The following SCFD2 variants were observed in gnomAD, a reference collection of about 807,000 sequenced individuals.
The protein encoded by SCFD2 is sec1 family domain containing 2.
A neutral mutation model predicts 58.9 loss-of-function variants in SCFD2; 54 were observed. That is an observed-to-expected ratio of 0.92 (90% CI 0.74 to 1.15). The LOEUF is 1.15. SCFD2 is among the 50% of genes most tolerant of loss of function. SCFD2 has a pLI of 0.00. For missense variants in SCFD2, 805 were observed against 836.6 expected (o/e 0.96, Z 0.47); for synonymous variants, 321 against 335.9 (o/e 0.96, Z 0.49).
rs570492073 is a variant in SCFD2 at position 53,028,249 on chromosome 4, A to T, written c.1562-107379T>A. On this transcript the variant is annotated intron_variant, in intron 5 of 8. Transcript: ENST00000401642. ...GTGACAGAGCAAGACCCTGTCTCAA[A>T]AAATAAATAAATAAATAAATAAAAG... 1.5e-4 allele frequency among the ~76,000 whole-genome samples: 23 copies of T among 152,280 alleles called. No individual in the cohort carries two copies. In the South Asian group the frequency reaches 4.4e-3, roughly 29 times the overall value.
At chr4:53,068,432 T>C (rs1375704947) in intron 5 of SCFD2, among the ~76,000 whole-genome samples, 2 of 152,190 alleles carry the variant, frequency 1.3e-5, no homozygotes, top group East Asian at 1.9e-4. Context: ...AAATTTAGTA[T>C]TGATGAAGGA....
intron 3 of SCFD2, among the ~76,000 whole-genome samples, chr4:53,289,482 A>G (rs567363236): frequency 6.6e-6 from 1 of 152,312 alleles, no homozygotes; most frequent in Admixed American, 6.5e-5. Flanking sequence ...CAGATACACA[A>G]ATGAGAAAAA....
intron 4 of SCFD2, among the ~76,000 whole-genome samples, chr4:53,187,259 A>T (rs1217402311): frequency 6.6e-6 from 1 of 152,120 alleles, no homozygotes; most frequent in Non-Finnish European, 1.5e-5. Context: ...TTCTTATTAA[A>T]TCAGCAATAT....
rs374272200 is a variant in SCFD2, at chr4:52,885,063, T to C, written c.1962+684A>G. Among the ~76,000 whole-genome samples, 76 of 152,294 alleles carry C rather than the reference T, an allele frequency of 5.0e-4. 1 individual carries two copies. The highest frequency in any genetic ancestry group is 1.7e-3 in the African/African-American group (72 of 41,564). ...GGCCCATAAAATAGAAACGTCTATG[T>C]TCTTCACCACTGGGCCACAGAGCCA... On this transcript the variant is annotated intron_variant, in intron 8 of 8. Coordinates refer to ENST00000401642, the MANE Select transcript of SCFD2 (RefSeq NM_152540.4).
chr4:53,211,425 A>G (rs1022367926), intron 4 of SCFD2, among the ~76,000 whole-genome samples: 1 of 152,034 alleles, frequency 6.6e-6, no homozygotes, highest in African/African-American at 2.4e-5. Context: ...AAATTGGTAA[A>G]CGTGAGTGTT....
chr4:53,330,349 G>A (rs912716115), intron 2 of SCFD2, among the ~76,000 whole-genome samples: 3 of 151,890 alleles, frequency 2.0e-5, no homozygotes, highest in Non-Finnish European at 2.9e-5. Context: ...CAGAGAGAAA[G>A]GTCGGGTTAC....
intron 5 of SCFD2, among the ~76,000 whole-genome samples, chr4:53,112,761 C>T (rs1382821595): frequency 6.6e-6 from 1 of 152,000 alleles, no homozygotes; most frequent in Admixed American, 6.6e-5. Flanking sequence ...GGAGGATTAT[C>T]CCATCAATCT....
intron 4 of SCFD2, 116 bp downstream of exon 4, chr4:53,273,710 C>A: frequency 1.1e-6 from 1 of 901,276 alleles, no homozygotes; most frequent in Non-Finnish European, 1.6e-6. Context: ...GAATATGAAG[C>A]AGGGCACATG....
intron 2 of SCFD2, among the ~76,000 whole-genome samples, chr4:53,343,901 C>G (rs1178349579): frequency 6.6e-6 from 1 of 152,208 alleles, no homozygotes; most frequent in Non-Finnish European, 1.5e-5. Context: ...CAAAATTCAA[C>G]TGCCCTTCAT....
chr4:53,220,789 T>G (rs80212953), intron 4 of SCFD2, among the ~76,000 whole-genome samples: 1 of 152,324 alleles, frequency 6.6e-6, no homozygotes, highest in Non-Finnish European at 1.5e-5. Flanking sequence ...TGGTAATGGT[T>G]TGGGGAAGAA....
At chr4:53,061,613 C>T (rs1723514259) in intron 5 of SCFD2, among the ~76,000 whole-genome samples, 1 of 152,078 alleles carries the variant, frequency 6.6e-6, no homozygotes, top group Non-Finnish European at 1.5e-5. Context: ...ATGGTTCTGC[C>T]TTCTGTTGCA....
intron 5 of SCFD2, among the ~76,000 whole-genome samples, chr4:53,052,426 C>T (rs1723211402): frequency 6.6e-6 from 1 of 152,226 alleles, no homozygotes; most frequent in Non-Finnish European, 1.5e-5. Flanking sequence ...GTCCCAGTGA[C>T]TGGCATCTAG....
At chr4:53,297,718 G>A (rs762371942) in intron 3 of SCFD2, among the ~76,000 whole-genome samples, 15 of 152,074 alleles carry the variant, frequency 9.9e-5, no homozygotes, top group Non-Finnish European at 1.5e-4. Context: ...TGGTTATTTT[G>A]CCCGTTAGTT....
At chr4:53,236,038 C>G (rs537541213) in intron 4 of SCFD2, among the ~76,000 whole-genome samples, 1 of 151,976 alleles carries the variant, frequency 6.6e-6, no homozygotes, top group Non-Finnish European at 1.5e-5. Context: ...TTGAAGGATA[C>G]GAAGTATTGA....
chr4:53,274,275 T>C (rs1731264069), intron 3 of SCFD2, among the ~76,000 whole-genome samples: 1 of 152,220 alleles, frequency 6.6e-6, no homozygotes, highest in South Asian at 2.1e-4. Context: ...TTTATCATTA[T>C]GTAATACTCT....
chr4:53,081,032 T>G (rs1180135177), intron 5 of SCFD2, among the ~76,000 whole-genome samples: 1 of 152,172 alleles, frequency 6.6e-6, no homozygotes, highest in East Asian at 1.9e-4. Context: ...AACTATCCAG[T>G]ATATTATTTC....
intron 5 of SCFD2, among the ~76,000 whole-genome samples, chr4:53,104,754 C>T (rs1215036016): frequency 6.6e-6 from 1 of 152,182 alleles, no homozygotes; most frequent in Admixed American, 6.5e-5. Flanking sequence ...ACAGCTTGTG[C>T]TAATCATTAC....
At chr4:52,889,958 CT>C (rs1718843743) in intron 7 of SCFD2, among the ~76,000 whole-genome samples, 1 of 152,188 alleles carries the variant, frequency 6.6e-6, no homozygotes, top group African/African-American at 2.4e-5. Flanking sequence ...TACTTAGCAC[CT>C]GGTAAGCTTT....
intron 5 of SCFD2, among the ~76,000 whole-genome samples, chr4:53,069,158 A>T (rs570836235): frequency 5.3e-5 from 8 of 152,170 alleles, no homozygotes; most frequent in Admixed American, 2.0e-4. Context: ...GAATCCAGAG[A>T]AGGGAATGCC....
Sources: allele counts gnomAD v4.1 joint callset (sites outside exome capture counted in the v4.1 genomes callset), GRCh38; gene constraint gnomAD v4.1.1; transcripts MANE v1.5; gene names NCBI Gene and HGNC (gene_info 2026-07-23, HGNC 2026-07-21).